Variants in INPP5A observed in about 807,000 individuals in gnomAD.
The protein encoded by INPP5A is inositol polyphosphate-5-phosphatase A.
A neutral mutation model predicts 65.2 loss-of-function variants in INPP5A; 14 were observed. That is an observed-to-expected ratio of 0.21 (90% CI 0.14 to 0.34). The LOEUF (loss-of-function observed/expected upper bound fraction) is 0.34, where lower values mean the gene tolerates loss of function less well. Ranked by LOEUF, INPP5A falls within the 10% of genes least tolerant of loss-of-function variation. INPP5A has a pLI of 1.00. For synonymous variants in INPP5A, 207 were observed against 208.3 expected (o/e 0.99, Z 0.05); for missense variants, 431 against 545.6 (o/e 0.79, Z 2.09).
Position 132,705,040 on chromosome 10 carries a change from G to A in INPP5A, c.475-3273G>A, listed in dbSNP as rs117879503. Among the ~76,000 whole-genome samples the A allele has an allele frequency of 6.4e-3, 979 of 152,010 alleles. 6 individuals carry two copies. The highest frequency in any genetic ancestry group is 0.014 in the Middle Eastern group (4 of 294). On this transcript the variant is annotated intron_variant, in intron 6 of 15. Coordinates refer to ENST00000368594, the MANE Select transcript of INPP5A (RefSeq NM_005539.5). This position sits in a 1 kb window ranked among gnomAD's most constrained non-coding sequence, Gnocchi z 4.9. Reference sequence around the variant, plus strand: ...CGTCTGGACAGGTGGCAGGCGGCTCGTCTGGAGTGCAGGCTGAGTGGAGGG... The same window carrying A: ...CGTCTGGACAGGTGGCAGGCGGCTCATCTGGAGTGCAGGCTGAGTGGAGGG...
chr10:132,549,920 A>G lies in INPP5A; in HGVS notation c.75+11749A>G, dbSNP rs2071028948. 6.7e-6 allele frequency among the ~76,000 whole-genome samples: 1 copy of G among 149,602 alleles called. No individual in the cohort carries two copies. Among genetic ancestry groups the G allele is most frequent in the Non-Finnish European group, 1.5e-5 (1 of 67,454 alleles). On this transcript the variant is annotated intron_variant, in intron 1 of 15. Coordinates refer to ENST00000368594, the MANE Select transcript of INPP5A (RefSeq NM_005539.5). The surrounding 1 kb of genome is among the most constrained non-coding windows in gnomAD (Gnocchi z 4.9). ...GTCAGCCTCGAGTTACTAACCGGGCATTAGGGGATGGGGTCAGCCTCGAGT... is the reference window on the plus strand; with the variant it reads ...GTCAGCCTCGAGTTACTAACCGGGCGTTAGGGGATGGGGTCAGCCTCGAGT...
rs2071042525 is a variant in INPP5A, at chr10:132,551,041, C to T, written c.75+12870C>T. On this transcript the variant is annotated intron_variant, in intron 1 of 15. Transcript: ENST00000368594. This position sits in a 1 kb window ranked among gnomAD's most constrained non-coding sequence, Gnocchi z 5.3. The stretch of plus-strand genomic sequence containing the variant: ...TGTGGTCCATTTGGGCCAGTGGCTT[C>T]AGTAGCCACACGCTGCTTGGTCCAG... Among the ~76,000 whole-genome samples, 1 of 152,220 alleles carries T rather than the reference C, an allele frequency of 6.6e-6. No individual in the cohort carries two copies.
intron 2 of INPP5A, among the ~76,000 whole-genome samples, chr10:132,615,180 C>T (rs764826003): frequency 1.3e-5 from 2 of 152,366 alleles, no homozygotes; most frequent in African/African-American, 2.4e-5. Context: ...GCCCGATCCA[C>T]GTCTCGAGTT....
At chr10:132,554,856 A>G (rs2071105782) in intron 1 of INPP5A, among the ~76,000 whole-genome samples, 1 of 122,308 alleles carries the variant, frequency 8.2e-6, no homozygotes, top group Admixed American at 8.4e-5. Context: ...TGGTGTGATC[A>G]ATGTGGGTGG....
At chr10:132,590,080 C>T (rs1054986996) in intron 1 of INPP5A, among the ~76,000 whole-genome samples, 3 of 152,216 alleles carry the variant, frequency 2.0e-5, no homozygotes, top group African/African-American at 4.8e-5. Context: ...AGTGGAGGCT[C>T]GAAGGTGGCT....
chr10:132,666,330 T>C (rs928717171), intron 4 of INPP5A, among the ~76,000 whole-genome samples: 2 of 152,174 alleles, frequency 1.3e-5, no homozygotes, highest in African/African-American at 4.8e-5. Context: ...TTCTGCTGGC[T>C]GGGGGAAACT....
Position 132,704,560 on chromosome 10 carries a change from G to A in INPP5A, c.475-3753G>A, listed in dbSNP as rs1175426454. On this transcript the variant is annotated intron_variant, in intron 6 of 15. Coordinates refer to ENST00000368594, the MANE Select transcript of INPP5A (RefSeq NM_005539.5). The surrounding 1 kb of genome is among the most constrained non-coding windows in gnomAD (Gnocchi z 4.5). ...GCTCTGTCCTCCCCTCCTTGTACCC[G>A]AGGCCCCACAGCTGGGACTTGAACC... Among the ~76,000 whole-genome samples the A allele has an allele frequency of 2.0e-5, 3 of 152,198 alleles. No homozygotes were observed. Among genetic ancestry groups the A allele is most frequent in the South Asian group, 2.1e-4 (1 of 4,832 alleles).
chr10:132,662,518 A>G (rs573352956), intron 4 of INPP5A, among the ~76,000 whole-genome samples: 10 of 152,242 alleles, frequency 6.6e-5, no homozygotes, highest in Non-Finnish European at 7.3e-5. Flanking sequence ...GTATGATTTC[A>G]TGTATATCAT....
rs1168840138 is a variant in INPP5A, at chr10:132,546,738, C to T, written c.75+8567C>T. ...TCCTGGGTGCACTGCATACCCCGGG[C>T]CCCCTGGGCTCTGGCCTGTCCCCTT... On this transcript the variant is annotated intron_variant, in intron 1 of 15. Transcript: ENST00000368594. The surrounding 1 kb of genome is among the most constrained non-coding windows in gnomAD (Gnocchi z 5.7). Among the ~76,000 whole-genome samples, 3 of 152,190 alleles carry T rather than the reference C, an allele frequency of 2.0e-5. No individual in the cohort carries two copies. The highest frequency in any genetic ancestry group is 4.4e-5 in the Non-Finnish European group (3 of 68,016).
At chr10:132,770,845 G>A (rs999370689) in intron 12 of INPP5A, among the ~76,000 whole-genome samples, 6 of 152,176 alleles carry the variant, frequency 3.9e-5, no homozygotes, top group South Asian at 2.1e-4. Flanking sequence ...GAGTCTCGAC[G>A]CGGCACGTCT....
At chr10:132,636,080 A>G (rs762497787) in intron 2 of INPP5A, among the ~76,000 whole-genome samples, 10 of 152,078 alleles carry the variant, frequency 6.6e-5, no homozygotes, top group African/African-American at 2.2e-4. Context: ...ATAGGTTTCT[A>G]TATGGCATGT....
At position 132,544,770 on chromosome 10, in the gene INPP5A, G is replaced by T. The variant is rs73395328; in HGVS notation, c.75+6599G>T. Among the ~76,000 whole-genome samples, 448 of 152,278 alleles carry T rather than the reference G, an allele frequency of 2.9e-3. 1 individual carries two copies. Among genetic ancestry groups the T allele is most frequent in the African/African-American group, 0.01 (427 of 41,560 alleles). On this transcript the variant is annotated intron_variant, in intron 1 of 15. Coordinates refer to ENST00000368594, the MANE Select transcript of INPP5A (RefSeq NM_005539.5). ...TCCCTCCGGCCCTGGCATTTGGGAC[G>T]CAGCAGGCTGTGCTCTTTGGATTGT...
intron 11 of INPP5A, among the ~76,000 whole-genome samples, chr10:132,760,115 G>T (rs1485060352): frequency 6.6e-6 from 1 of 152,232 alleles, no homozygotes; most frequent in Non-Finnish European, 1.5e-5. Context: ...TCGGCCAAGA[G>T]CTCCAGCTAC....
intron 11 of INPP5A, among the ~76,000 whole-genome samples, chr10:132,755,736 G>A (rs576139178): frequency 1.2e-4 from 19 of 152,178 alleles, no homozygotes; most frequent in African/African-American, 4.1e-4. Context: ...AGACCCTAGC[G>A]GCAGCCGCTG....
At chr10:132,563,906 TCTGAGCC>T (rs1191434117) in intron 1 of INPP5A, among the ~76,000 whole-genome samples, 1 of 152,160 alleles carries the variant, frequency 6.6e-6, no homozygotes, top group Admixed American at 6.5e-5. Context: ...TCCACTCTAC[TCTGAGCC>T]CTGAGCCCTG....
rs937620019 is a variant in INPP5A at position 132,585,215 on chromosome 10, A to G, written c.76-22700A>G. Among the ~76,000 whole-genome samples the G allele has an allele frequency of 2.0e-4, 30 of 152,232 alleles. 1 individual carries two copies. The highest frequency in any genetic ancestry group is 2.5e-4 in the Non-Finnish European group (17 of 68,034). Reference sequence around the variant, plus strand: ...AAAGTTTTTTTATACAAAGTTATTAACAGGTACCTAAATAAAATATGTTCT... The same window carrying G: ...AAAGTTTTTTTATACAAAGTTATTAGCAGGTACCTAAATAAAATATGTTCT... On this transcript the variant is annotated intron_variant, in intron 1 of 15. Transcript: ENST00000368594.
At position 132,680,972 on chromosome 10, in the gene INPP5A, G is replaced by A. The variant is rs187679446; in HGVS notation, c.307-9420G>A. 1.2e-3 allele frequency among the ~76,000 whole-genome samples: 190 copies of A among 152,308 alleles called. 2 individuals carry two copies. The highest frequency in any genetic ancestry group is 4.6e-3 in the South Asian group (22 of 4,824). ...GCTCCTGTGCGGCCGGAGCCTCCCC[G>A]ACGAGCTCCGCCCCCTGCTCCAGGG... On this transcript the variant is annotated intron_variant, in intron 4 of 15. Coordinates refer to ENST00000368594, the MANE Select transcript of INPP5A (RefSeq NM_005539.5).
rs2071805391 is a variant in INPP5A at position 132,603,845 on chromosome 10, T to A, written c.76-4070T>A. On this transcript the variant is annotated intron_variant, in intron 1 of 15. Transcript: ENST00000368594. This position sits in a 1 kb window ranked among gnomAD's most constrained non-coding sequence, Gnocchi z 4.2. ...CTGTACTGTGTGGACATGGTGTGGG[T>A]CACTGTGGTCTTTCCTTTCTGACTT... 6.6e-6 allele frequency among the ~76,000 whole-genome samples: 1 copy of A among 152,148 alleles called. No homozygotes were observed. The highest frequency in any genetic ancestry group is 2.1e-4 in the South Asian group (1 of 4,828).
intron 1 of INPP5A, among the ~76,000 whole-genome samples, chr10:132,589,666 C>T (rs1172999599): frequency 6.6e-6 from 1 of 152,248 alleles, no homozygotes; most frequent in Non-Finnish European, 1.5e-5. Context: ...AGCCAGGGCC[C>T]AGGCAGTGCT....
Sources: gnomAD v4.1 joint callset for allele counts (sites outside exome capture counted in the v4.1 genomes callset) on GRCh38, gnomAD v4.1.1 for gene constraint, Gnocchi (gnomAD v3.1) non-coding constraint, MANE v1.5 for transcripts, NCBI Gene and HGNC (gene_info 2026-07-23, HGNC 2026-07-21) for gene names.